The following NUP133 variants were observed in gnomAD, a reference collection of about 807,000 sequenced individuals.
NUP133 encodes nuclear pore complex protein Nup133.
NUP133 carries 66 observed loss-of-function variants against 146.2 expected under a neutral mutation model. The ratio of observed to expected loss-of-function variants is 0.45; its 90% CI spans 0.37 to 0.55. The LOEUF is 0.55. Ranked by LOEUF, NUP133 falls within the 20% of genes least tolerant of loss-of-function variation. The pLI is 0.00. For synonymous variants in NUP133, 521 were observed against 498.8 expected, an observed-to-expected ratio of 1.04 and a Z score of -0.59; for missense variants, 1,277 against 1,374.8, an observed-to-expected ratio of 0.93 and a Z score of 1.12.
At chr1:229,481,172 G>A (rs1661202099) in intron 12 of NUP133, among the ~76,000 whole-genome samples, 1 of 151,810 alleles carries the variant, frequency 6.6e-6, no homozygotes, top group Admixed American at 6.6e-5. Context: ...TGTGCTACAG[G>A]GCCCATGACA....
intron 24 of NUP133, among the ~76,000 whole-genome samples, chr1:229,447,949 G>A (rs1343646379): frequency 1.3e-5 from 2 of 152,182 alleles, no homozygotes; most frequent in Admixed American, 1.3e-4. Context: ...AAGACAGGAT[G>A]TGGTAAAGAA....
In NUP133 at chr1:229,462,466, C is replaced by G. The variant is rs142234354; in HGVS notation, c.2685+1077G>C. 4.2e-3 allele frequency among the ~76,000 whole-genome samples: 635 copies of G among 151,956 alleles called. 2 individuals carry two copies. The highest frequency in any genetic ancestry group is 6.4e-3 in the Non-Finnish European group (434 of 67,952). ...TAAATTTTATACAATATCACTTTTACAGTAATAAAAAATAAGCTTTTCATA... is the reference window on the plus strand; with the variant it reads ...TAAATTTTATACAATATCACTTTTAGAGTAATAAAAAATAAGCTTTTCATA... On this transcript the variant is annotated intron_variant, in intron 19 of 25. Transcript: ENST00000261396.
chr1:229,466,108 T>C (rs2102759187), intron 16 of NUP133, among the ~76,000 whole-genome samples: 3 of 152,188 alleles, frequency 2.0e-5, no homozygotes, highest in South Asian at 4.2e-4. Flanking sequence ...TTTTAGTCAA[T>C]AGTAAAAGTA....
chr1:229,489,597 A>C (rs1156985428), intron 9 of NUP133, among the ~76,000 whole-genome samples: 1 of 152,238 alleles, frequency 6.6e-6, no homozygotes, highest in Non-Finnish European at 1.5e-5. Context: ...TGGGCCACGC[A>C]AGGTGGCTCA....
chr1:229,454,251 C>T (rs6664389), intron 21 of NUP133, among the ~76,000 whole-genome samples: 14 of 152,132 alleles, frequency 9.2e-5, no homozygotes, highest in African/African-American at 2.7e-4. Flanking sequence ...GACCTGACTC[C>T]GCCCCAGGGA....
chr1:229,457,315 G>T (rs1194806575), intron 21 of NUP133, among the ~76,000 whole-genome samples: 1 of 152,082 alleles, frequency 6.6e-6, no homozygotes, highest in Admixed American at 6.6e-5. Flanking sequence ...CAATAATACA[G>T]AGTTTTTCTT....
chr1:229,489,240 C>G lies in NUP133; in HGVS notation c.1194+715G>C, dbSNP rs149763061. ...GTGTGAATATGGTACACAACAGCCT[C>G]AAACTCCTGGGCTCAAGTGATCTTC... On this transcript the variant is annotated intron_variant, in intron 9 of 25. Coordinates refer to ENST00000261396, the MANE Select transcript of NUP133 (RefSeq NM_018230.3). Among the ~76,000 whole-genome samples, 3 of 152,254 alleles carry G rather than the reference C, an allele frequency of 2.0e-5. No homozygotes were observed. The East Asian group carries it at 5.8e-4, about 29-fold the overall frequency.
At chr1:229,459,736 C>G (rs918809690) in intron 20 of NUP133, among the ~76,000 whole-genome samples, 2 of 152,172 alleles carry the variant, frequency 1.3e-5, no homozygotes, top group Admixed American at 6.5e-5. Context: ...ATTCTATATA[C>G]AACATCTTCT....
In NUP133 at chr1:229,458,265, A is replaced by C; in HGVS notation, c.2876T>G (p.Met959Arg). ...AHATLLGLANMETRYFAKKKT... is the reference protein window; with the variant it reads ...AHATLLGLANRETRYFAKKKT... ...CTTCTTTGCAAAGTAACGAGTTTCC[A>C]TATTTGCCAAACCCAGAAGTGTTGC... The change falls in exon 21 of 26, where the codon ATG becomes AGG. Residue 959 changes from methionine to arginine, a missense_variant. By Grantham distance (91) the Met-to-Arg change is moderately conservative. Coordinates refer to ENST00000261396, the MANE Select transcript of NUP133 (RefSeq NM_018230.3). 6.2e-7 allele frequency: 1 copy of C among 1,613,528 alleles called. No homozygotes were observed. The highest frequency in any genetic ancestry group is 2.2e-5 in the East Asian group (1 of 44,826).
intron 3 of NUP133, among the ~76,000 whole-genome samples, chr1:229,501,286 A>G (rs1477261764): frequency 6.6e-6 from 1 of 152,234 alleles, no homozygotes; most frequent in African/African-American, 2.4e-5. Flanking sequence ...TTAGACTCTC[A>G]GCCAAATATC....
chr1:229,503,959 A>G (rs1661871250), intron 2 of NUP133, among the ~76,000 whole-genome samples: 1 of 149,992 alleles, frequency 6.7e-6, no homozygotes, highest in East Asian at 1.9e-4. Flanking sequence ...TAGAGGGGAA[A>G]AATATACACA....
intron 5 of NUP133, chr1:229,499,307 A>T (rs1235395242): frequency 8.6e-6 from 4 of 466,422 alleles, no homozygotes; most frequent in African/African-American, 4.0e-5. Context: ...AGAAATTCAT[A>T]TCACAAGCTA....
In NUP133 at chr1:229,463,563, T is replaced by C. The variant is rs1282713650; in HGVS notation, c.2665A>G (p.Met889Val). 4 of 1,613,994 alleles carry C rather than the reference T, an allele frequency of 2.5e-6. No homozygotes were observed. The highest frequency in any genetic ancestry group is 1.1e-5 in the South Asian group (1 of 91,068). The part of the protein sequence containing the change: ...TDNQSRLQRY[M>V]TQFADQNFSD... ...ATCACCTGATCAGCAAACTGGGTCA[T>C]GTAGCGCTGGAGTCGGCTCTGGTTG... is the stretch of plus-strand genomic sequence containing the variant. The change falls in exon 19 of 26, where the codon ATG (methionine) becomes GTG (valine). Residue 889 changes from methionine (M) to valine (V), a missense_variant. Met to Val is a conservative substitution (Grantham distance 21). Around this residue, in one of 3 missense-constraint regions of NUP133, gnomAD observed 952 missense variants for 1,047.0 expected, o/e 0.91. Transcript: ENST00000261396.
At chr1:229,480,627 G>C (rs191667791) in intron 12 of NUP133, among the ~76,000 whole-genome samples, 8 of 152,310 alleles carry the variant, frequency 5.3e-5, no homozygotes, top group Non-Finnish European at 1.0e-4. Flanking sequence ...GGGCCATCTG[G>C]CAATGTCTGA....
chr1:229,482,761 C>T (rs190994447), intron 12 of NUP133, among the ~76,000 whole-genome samples: 27 of 152,260 alleles, frequency 1.8e-4, no homozygotes, highest in South Asian at 8.3e-4. Flanking sequence ...CACTAGCAAA[C>T]GCCATCCAAG....
intron 3 of NUP133, 23 bp downstream of exon 3, chr1:229,501,976 C>G (rs373475847): frequency 6.4e-5 from 98 of 1,525,018 alleles, no homozygotes; most frequent in Non-Finnish European, 7.7e-5. Context: ...CTATCTTGTT[C>G]CAGCTCTCTA....
chr1:229,458,360 A>G, intron 20 of NUP133, 64 bp from the exon 21 acceptor site: 1 of 1,541,198 alleles, frequency 6.5e-7, no homozygotes, highest in Non-Finnish European at 8.8e-7. Context: ...AACAAAGGTA[A>G]GTAAACCCCA....
chr1:229,478,158 A>AT (rs992856603), intron 12 of NUP133, among the ~76,000 whole-genome samples: 3 of 152,086 alleles, frequency 2.0e-5, no homozygotes, highest in Non-Finnish European at 2.9e-5. Flanking sequence ...TAAAAAAAAA[A>AT]TTTTAAGTTA....
chr1:229,467,956 TAA>T (rs1660862230), intron 15 of NUP133, among the ~76,000 whole-genome samples: 2 of 151,154 alleles, frequency 1.3e-5, no homozygotes, highest in South Asian at 2.1e-4. Flanking sequence ...ATATATAATA[TAA>T]AAGACAGAAA....
Sources: allele counts gnomAD v4.1 joint callset (sites outside exome capture counted in the v4.1 genomes callset), GRCh38; gene constraint gnomAD v4.1.1; regional missense constraint gnomAD v4.1.1; transcripts MANE v1.5; gene names NCBI Gene and HGNC (gene_info 2026-07-23, HGNC 2026-07-21).